AP3D1: variants seen among roughly 807,000 people sequenced by gnomAD.
AP3D1 encodes the protein AP-3 complex subunit delta-1.
AP3D1 carries 51 observed loss-of-function variants against 147.6 expected under a neutral mutation model. The observed-to-expected ratio is 0.35, with a 90% confidence interval of 0.28 to 0.44. AP3D1 has a LOEUF of 0.44. Among genes scored for constraint, AP3D1 ranks in the 20% least tolerant of loss-of-function variants. AP3D1 has a pLI of 1.00. For missense variants in AP3D1, 1,421 were observed against 1,624.2 expected (o/e 0.87, Z 2.15); for synonymous variants, 760 against 663.0 (o/e 1.15, Z -2.25).
Position 2,116,620 on chromosome 19 carries a change from C to T in AP3D1, c.1986G>A (p.Glu662=), listed in dbSNP as rs568510411. The change falls in exon 17 of 32, where the codon GAG becomes GAA. Residue 662 remains glutamate (E), a synonymous_variant. Coordinates refer to ENST00000643116, the MANE Select transcript of AP3D1 (RefSeq NM_001261826.3). ...RPKHRPSEAD[E]EELARRREAR... ...AGCAGCTCACCCGAGCCAGCTCTTC[C>T]TCGTCCGCCTCCGACGGCCGGTGCT... 2.3e-5 allele frequency: 37 copies of T among 1,596,966 alleles called. No homozygotes were observed. The South Asian group carries it at 4.2e-4, about 18-fold the overall frequency.
rs192619064 is a variant in AP3D1 at position 2,144,043 on chromosome 19, G to C, written c.97-5329C>G. 6.1e-5 allele frequency among the ~76,000 whole-genome samples: 9 copies of C among 148,024 alleles called. No individual in the cohort carries two copies. The East Asian group carries it at 1.8e-3, about 30-fold the overall frequency. ...AGACGTTGCGGTGAGCCGAGATCGCGCCATTGCACTTCAGCCTGGGCAACA... is the reference window on the plus strand; with the variant it reads ...AGACGTTGCGGTGAGCCGAGATCGCCCCATTGCACTTCAGCCTGGGCAACA... On this transcript the variant is annotated intron_variant, in intron 1 of 31. Transcript: ENST00000643116.
In AP3D1 at chr19:2,129,068, A is replaced by G. The variant is rs142361260; in HGVS notation, c.806+22T>C. The G allele has an allele frequency of 0.053, 63,526 of 1,204,096 alleles. 4,686 individuals are homozygous for G. The highest frequency in any genetic ancestry group is 0.13 in the Admixed American group (4,755 of 37,492). The allele number at this position is 1,204,096 out of a possible 1,614,324, so 74.6% of individuals were successfully genotyped here. On this transcript the variant is annotated intron_variant, in intron 8 of 31. Coordinates refer to ENST00000643116, the MANE Select transcript of AP3D1 (RefSeq NM_001261826.3). ...CACCCCGTGGAGCCGGCCCGCCCCC[A>G]CCGCGCATGGCCTGCACTCACCTGT... is the stretch of plus-strand genomic sequence containing the variant.
chr19:2,145,341 G>A (rs533610049), intron 1 of AP3D1, among the ~76,000 whole-genome samples: 60 of 152,290 alleles, frequency 3.9e-4, no homozygotes, highest in South Asian at 1.0e-3. Context: ...ACATCCCTCC[G>A]CCTGTCTCAC....
intron 5 of AP3D1, among the ~76,000 whole-genome samples, chr19:2,131,478 A>G (rs2018940931): frequency 6.9e-6 from 1 of 143,906 alleles, no homozygotes; most frequent in African/African-American, 2.6e-5. Flanking sequence ...GCCACGATCT[A>G]GACACCCGGT....
At position 2,112,981 on chromosome 19, in the gene AP3D1, G is replaced by A. The variant is rs1376171368; in HGVS notation, c.2680-14C>T. 1.3e-6 allele frequency: 2 copies of A among 1,593,714 alleles called. No homozygotes were observed. The highest frequency in any genetic ancestry group is 1.1e-5 in the South Asian group (1 of 89,058). On this transcript the variant is annotated splice_polypyrimidine_tract_variant and intron_variant, in intron 23 of 31. Coordinates refer to ENST00000643116, the MANE Select transcript of AP3D1 (RefSeq NM_001261826.3). The stretch of plus-strand genomic sequence containing the variant: ...ACTGAGCTCCCCCTGCAGGGAGCCA[G>A]GGCTTGGGGCTCATGCTGGGCAATG...
intron 1 of AP3D1, among the ~76,000 whole-genome samples, chr19:2,160,771 C>T (rs2019690311): frequency 6.6e-6 from 1 of 152,148 alleles, no homozygotes; most frequent in Admixed American, 6.6e-5. Flanking sequence ...GATCTCTCCC[C>T]TGGAGAACCA....
chr19:2,159,514 G>A (rs1302212968), intron 1 of AP3D1, among the ~76,000 whole-genome samples: 3 of 150,836 alleles, frequency 2.0e-5, no homozygotes, highest in South Asian at 2.1e-4. Flanking sequence ...TCGGCCTCCC[G>A]AGTAGCTGGG....
chr19:2,143,968 C>T (rs973796206), intron 1 of AP3D1, among the ~76,000 whole-genome samples: 1 of 151,952 alleles, frequency 6.6e-6, no homozygotes, highest in Non-Finnish European at 1.5e-5. Flanking sequence ...CACCTGTAAT[C>T]CCAGCTACTC....
chr19:2,105,807 T>G (rs2018094685), intron 31 of AP3D1, among the ~76,000 whole-genome samples: 1 of 152,164 alleles, frequency 6.6e-6, no homozygotes, highest in African/African-American at 2.4e-5. Context: ...GCAGAATGGC[T>G]GCCGTCAGCC....
At chr19:2,121,654 C>G (rs1002521149) in intron 12 of AP3D1, 80 bp downstream of exon 12, 37 of 1,499,384 alleles carry the variant, frequency 2.5e-5, no homozygotes, top group Non-Finnish European at 3.2e-5. Flanking sequence ...CCATGCATTC[C>G]ACGTGGCTCT....
Position 2,115,563 on chromosome 19 carries a change from G to A in AP3D1, c.2124C>T (p.Asp708=), listed in dbSNP as rs368404885. Residue 708 remains aspartate (D), a synonymous_variant, in exon 19 of 32, where the codon GAC becomes GAT. Coordinates refer to ENST00000643116, the MANE Select transcript of AP3D1 (RefSeq NM_001261826.3). ...GVEHIPVVQI[D]LSVPLKVPGL... Reference sequence around the variant, plus strand: ...CTGGAACCTTCAAGGGGACGGAGAGGTCAATCTGCACCACGGGAATGTGCT... The same window carrying A: ...CTGGAACCTTCAAGGGGACGGAGAGATCAATCTGCACCACGGGAATGTGCT... The A allele has an allele frequency of 4.2e-5, 67 of 1,613,184 alleles. No individual in the cohort carries two copies. The African/African-American group carries it at 6.8e-4, about 16-fold the overall frequency.
chr19:2,121,024 T>G lies in AP3D1; in HGVS notation c.1319A>C (p.Gln440Pro). 6.2e-7 allele frequency: 1 copy of G among 1,612,600 alleles called. No individual in the cohort carries two copies. Among genetic ancestry groups the G allele is most frequent in the Non-Finnish European group, 8.5e-7 (1 of 1,179,960 alleles). The change falls in exon 14 of 32, where the codon CAA becomes CCA. Residue 440 changes from glutamine to proline, a missense_variant. By Grantham distance (76) the Gln-to-Pro change is moderately conservative. This residue lies in a region of AP3D1 where 310 missense variants were observed against 388.1 expected (regional missense o/e 0.80). Transcript: ENST00000643116. The stretch of plus-strand genomic sequence containing the variant: ...CACGCGGATGGCCACGTCCAGCATT[T>G]GGGCGGCGATGAGGTGGCCGTGCCG... The part of the protein sequence containing the change: ...GTRHGHLIAA[Q>P]MLDVAIRVKA...
At chr19:2,152,292 A>G (rs1250699606), upstream of AP3D1, among the ~76,000 whole-genome samples, 1 of 152,196 alleles carries the variant, frequency 6.6e-6, no homozygotes, top group African/African-American at 2.4e-5. Flanking sequence ...CTGTAATCCC[A>G]GCACTTTGAG....
intron 9 of AP3D1, among the ~76,000 whole-genome samples, 160 bp downstream of exon 9, chr19:2,126,992 C>T (rs572118502): frequency 2.6e-5 from 4 of 152,292 alleles, no homozygotes; most frequent in South Asian, 2.1e-4. Context: ...AGGCCTGGGA[C>T]GGACTCCCAG....
intron 14 of AP3D1, 112 bp from the exon 15 acceptor site, chr19:2,118,944 T>C (rs2018535515): frequency 3.0e-6 from 3 of 994,666 alleles, no homozygotes; most frequent in Non-Finnish European, 4.4e-6. Flanking sequence ...CTCTGGGCCC[T>C]TCCCATTCCC....
Position 2,110,914 on chromosome 19 carries a change from T to C in AP3D1, c.2986-18A>G. 3.1e-6 allele frequency: 5 copies of C among 1,610,028 alleles called. No individual in the cohort carries two copies. Among genetic ancestry groups the C allele is most frequent in the Non-Finnish European group, 3.4e-6 (4 of 1,178,452 alleles). ...TCACAGGTCTGCAGGGCATGGCCAGTGTTAGCAGGGCAGGCGGGCCCGCCA... is the reference window on the plus strand; with the variant it reads ...TCACAGGTCTGCAGGGCATGGCCAGCGTTAGCAGGGCAGGCGGGCCCGCCA... On this transcript the variant is annotated intron_variant, in intron 26 of 31. Coordinates refer to ENST00000643116, the MANE Select transcript of AP3D1 (RefSeq NM_001261826.3).
intron 9 of AP3D1, among the ~76,000 whole-genome samples, chr19:2,126,155 G>T (rs2018749243): frequency 1.3e-5 from 2 of 152,232 alleles, no homozygotes; most frequent in African/African-American, 2.4e-5. Flanking sequence ...GGGCTCAAGT[G>T]ATGCTCTTGC....
At chr19:2,124,252 C>A (rs762361792) in intron 9 of AP3D1, among the ~76,000 whole-genome samples, 1 of 152,236 alleles carries the variant, frequency 6.6e-6, no homozygotes, top group Admixed American at 6.5e-5. Flanking sequence ...CTCTGGGAGC[C>A]TCCATGGTGA....
At position 2,111,735 on chromosome 19, in the gene AP3D1, C is replaced by G. The variant is rs749819797; in HGVS notation, c.2881G>C (p.Glu961Gln). 3 of 1,607,064 alleles carry G rather than the reference C, an allele frequency of 1.9e-6. No homozygotes were observed. Among genetic ancestry groups the G allele is most frequent in the Non-Finnish European group, 2.5e-6 (3 of 1,177,138 alleles). Reference sequence around the variant, plus strand: ...TGCACCGGCTCCCCCGCTGCCTCCTCGCTGCCTGGAGGCTGCTTCTTGGAC... The same window carrying G: ...TGCACCGGCTCCCCCGCTGCCTCCTGGCTGCCTGGAGGCTGCTTCTTGGAC... The part of the protein sequence containing the change: ...KKSKKQPPGS[E>Q]EAAGEPVQNG... Residue 961 changes from glutamate (E) to glutamine (Q), a missense_variant, in exon 25 of 32, where the codon GAG becomes CAG. Transcript: ENST00000643116.
Sources: allele counts gnomAD v4.1 joint callset (sites outside exome capture counted in the v4.1 genomes callset), GRCh38; gene constraint gnomAD v4.1.1; regional missense constraint gnomAD v4.1.1; transcripts MANE v1.5; gene names NCBI Gene and HGNC (gene_info 2026-07-23, HGNC 2026-07-21).